CROCC2: variants seen among roughly 807,000 people sequenced by gnomAD.
CROCC2 encodes ciliary rootlet coiled-coil protein 2.
A neutral mutation model predicts 177.6 loss-of-function variants in CROCC2; 163 were observed. The ratio of observed to expected loss-of-function variants is 0.92; its 90% CI spans 0.81 to 1.05. CROCC2 has a LOEUF of 1.05. CROCC2 is among the 50% of genes least tolerant of loss of function. CROCC2 has a pLI of 0.00. For synonymous variants in CROCC2, 904 were observed against 787.3 expected (o/e 1.15, Z -2.48); for missense variants, 1,929 against 1,797.8 (o/e 1.07, Z -1.32).
chr2:240,959,339 C>T lies in CROCC2; in HGVS notation c.2982C>T (p.Leu994=). 3.9e-6 allele frequency: 6 copies of T among 1,550,588 alleles called. No individual in the cohort carries two copies. Among genetic ancestry groups the T allele is most frequent in the South Asian group, 1.2e-5 (1 of 84,048 alleles). The change falls in exon 20 of 32, where the codon CTC becomes CTT. Residue 994 remains leucine (L), a synonymous_variant. Coordinates refer to ENST00000690015, the MANE Select transcript of CROCC2 (RefSeq NM_001351305.2). The part of the protein sequence containing the change: ...ISATTEELKA[L]QAQFEDAITA... ...CCACGACTGAGGAGCTGAAGGCCCT[C>T]CAGGCCCAGTTTGAGGATGCCATCA...
rs1293064553 is a variant in CROCC2 at position 240,965,388 on chromosome 2, C to T, written c.3473C>T (p.Thr1158Ile). ...GCGGCCCCACGCTCCCAGGTGAGGA[C>T]ACTGAAGGCCGAGAACCAGAGGAGG... ...ELRELHRQVRTLKAENQRRSG... is the reference protein window; with the variant it reads ...ELRELHRQVRILKAENQRRSG... Residue 1158 changes from threonine to isoleucine, a missense_variant, in exon 23 of 32, where the codon ACA becomes ATA. This residue lies in a region of CROCC2 where 1,397 missense variants were observed against 1,239.9 expected (regional missense o/e 1.13). Transcript: ENST00000690015. The T allele has an allele frequency of 6.5e-7, 1 of 1,549,414 alleles. No homozygotes were observed. The highest frequency in any genetic ancestry group is 2.4e-5 in the East Asian group (1 of 40,920).
chr2:240,962,300 G>T (rs970198886), intron 20 of CROCC2, among the ~76,000 whole-genome samples: 2 of 152,062 alleles, frequency 1.3e-5, no homozygotes, highest in African/African-American at 4.8e-5. Flanking sequence ...CGGGTGGGGT[G>T]GGGGCGGGAG....
rs997584770 is a variant in CROCC2, at chr2:240,949,134, A to C, written c.2482+37A>C. ...GCGCTCCCTCAGCTCCTTCCCCGAA[A>C]GTCAGCCATGGAGGGGCCCCTGGAA... On this transcript the variant is annotated intron_variant, in intron 16 of 31. Coordinates refer to ENST00000690015, the MANE Select transcript of CROCC2 (RefSeq NM_001351305.2). The surrounding 1 kb of genome is among the most constrained non-coding windows in gnomAD (Gnocchi z 4.5). The C allele has an allele frequency of 6.7e-7, 1 of 1,492,574 alleles. No homozygotes were observed. The highest frequency in any genetic ancestry group is 1.4e-5 in the African/African-American group (1 of 71,192). 92.5% of individuals were successfully genotyped at this position (1,492,574 alleles called of 1,614,324 possible).
chr2:240,940,206 C>T (rs1029190271), intron 14 of CROCC2, among the ~76,000 whole-genome samples: 3 of 151,994 alleles, frequency 2.0e-5, no homozygotes, highest in African/African-American at 7.2e-5. Context: ...CTAGATCTCC[C>T]CTTAGTTTCT....
At position 240,946,227 on chromosome 2, in the gene CROCC2, C is replaced by A. The variant is rs939442693; in HGVS notation, c.2337C>A (p.Leu779=). Residue 779 remains leucine, a synonymous_variant, in exon 15 of 32, where the codon CTC becomes CTA. Transcript: ENST00000690015. ...AGGCCTTGGAGAGGCAGGGCCGGCT[C>A]GCAGCTGAAGAGGCAGCTGATCTCA... ...KQEALERQGR[L]AAEEAADLRV... is the part of the protein sequence containing the mutation. 84 of 1,538,832 alleles carry A rather than the reference C, an allele frequency of 5.5e-5. No individual in the cohort carries two copies. The highest frequency in any genetic ancestry group is 7.2e-5 in the Non-Finnish European group (82 of 1,137,708).
rs74000199 is a variant in CROCC2, at chr2:240,956,033, G to C, written c.2943+61G>C. 8.4e-3 allele frequency: 10,511 copies of C among 1,255,838 alleles called. 654 individuals carry two copies. In the African/African-American group the frequency reaches 0.14, roughly 16 times the overall value. The allele number at this position is 1,255,838 out of a possible 1,614,324, so 77.8% of individuals were successfully genotyped here. A position where few individuals can be genotyped will look rare whatever the true frequency, so the allele number is the denominator to read the frequency against. On this transcript the variant is annotated intron_variant, in intron 19 of 31. Transcript: ENST00000690015. ...AGCAGGTGCTGGCAGACCCCAGGGG[G>C]CCACCCCTCCTGCCTGGTCCCAGTG...
Position 240,958,521 on chromosome 2 carries a change from A to C in CROCC2, c.2944-780A>C. On this transcript the variant is annotated intron_variant, in intron 19 of 31. Transcript: ENST00000690015. This position sits in a 1 kb window ranked among gnomAD's most constrained non-coding sequence, Gnocchi z 6.7. Reference sequence around the variant, plus strand: ...CTGGCACAGGGGCAGCCATGTGGGCACCTGTGCCCCCAGGAACACAAAGCC... The same window carrying C: ...CTGGCACAGGGGCAGCCATGTGGGCCCCTGTGCCCCCAGGAACACAAAGCC... The C allele has an allele frequency of 6.2e-6, 6 of 974,534 alleles. No individual in the cohort carries two copies. Among genetic ancestry groups the C allele is most frequent in the Non-Finnish European group, 7.3e-6 (6 of 819,984 alleles). The allele number at this position is 974,534 out of a possible 1,614,324, so 60.4% of individuals were successfully genotyped here. A position where few individuals can be genotyped will look rare whatever the true frequency, so the allele number is the denominator to read the frequency against.
At position 240,950,719 on chromosome 2, in the gene CROCC2, C is replaced by T. The variant is rs1172733818; in HGVS notation, c.2829+209C>T. 3 of 533,984 alleles carry T rather than the reference C, an allele frequency of 5.6e-6. No homozygotes were observed. The African/African-American group carries it at 5.9e-5, about 10-fold the overall frequency. 33.1% of individuals were successfully genotyped at this position (533,984 alleles called of 1,614,324 possible). A position where few individuals can be genotyped will look rare whatever the true frequency, so the allele number is the denominator to read the frequency against. ...TCTGTCCATTCATTCACCCATCCAT[C>T]CACCCATCCACTTGCCCATCCATCC... On this transcript the variant is annotated intron_variant, in intron 18 of 31. Transcript: ENST00000690015.
At chr2:240,939,508 T>C (rs935934517) in intron 14 of CROCC2, among the ~76,000 whole-genome samples, 2 of 152,146 alleles carry the variant, frequency 1.3e-5, no homozygotes, top group Non-Finnish European at 2.9e-5. Flanking sequence ...TAAAATACAC[T>C]GGAAAGTAGT....
At chr2:240,931,705 C>G (rs1034939018) in intron 7 of CROCC2, among the ~76,000 whole-genome samples, 1 of 152,192 alleles carries the variant, frequency 6.6e-6, no homozygotes, top group African/African-American at 2.4e-5. Context: ...GCCTTACAAC[C>G]CAGGGTCCAG....
At chr2:240,968,575 G>A (rs1033317783) in intron 27 of CROCC2, among the ~76,000 whole-genome samples, 1 of 152,254 alleles carries the variant, frequency 6.6e-6, no homozygotes. Context: ...AGCGAGTGGG[G>A]GGCAGAGCCC....
rs1279306708 is a variant in CROCC2, at chr2:240,932,751, C to T, written c.1094C>T (p.Thr365Ile). ...CTGGAGCTGGCAGGTAGCAGCATCA[C>T]TGAATTGGGGGAGCCACGGCGCCCA... ...RCLELAGSSITELGEPRRPLR... is the reference protein window; with the variant it reads ...RCLELAGSSIIELGEPRRPLR... Residue 365 changes from threonine (T) to isoleucine (I), a missense_variant, in exon 9 of 32, where the codon ACT becomes ATT. This residue lies in a region of CROCC2 where 1,397 missense variants were observed against 1,239.9 expected (regional missense o/e 1.13). Coordinates refer to ENST00000690015, the MANE Select transcript of CROCC2 (RefSeq NM_001351305.2). 2.8e-6 allele frequency: 3 copies of T among 1,086,832 alleles called. No homozygotes were observed. Among genetic ancestry groups the T allele is most frequent in the Admixed American group, 4.0e-5 (2 of 50,192 alleles). The allele number at this position is 1,086,832 out of a possible 1,614,324, so 67.3% of individuals were successfully genotyped here. A position where few individuals can be genotyped will look rare whatever the true frequency, so the allele number is the denominator to read the frequency against.
rs1233169803 is a variant in CROCC2 at position 240,932,712 on chromosome 2, A to G, written c.1055A>G (p.Glu352Gly). ...RTDLQNLVAQ[E>G]DARCLELAGS... ...CTCTGCACCTTGAAGGTGGCCCAGG[A>G]GGACGCCCGGTGCCTGGAGCTGGCA... Residue 352 changes from glutamate (E) to glycine (G), a missense_variant, in exon 9 of 32, where the codon GAG becomes GGG. Physicochemically the swap from Glu to Gly is moderately conservative, Grantham distance 98 (BLOSUM62 -2). Around this residue, in one of 3 missense-constraint regions of CROCC2, gnomAD observed 1,397 missense variants for 1,239.9 expected, o/e 1.13. Transcript: ENST00000690015. 1 of 785,464 alleles carries G rather than the reference A, an allele frequency of 1.3e-6. No individual in the cohort carries two copies. The highest frequency in any genetic ancestry group is 1.7e-5 in the African/African-American group (1 of 58,556). The allele number at this position is 785,464 out of a possible 1,614,324, so 48.7% of individuals were successfully genotyped here.
At position 240,963,688 on chromosome 2, in the gene CROCC2, G is replaced by A; in HGVS notation, c.3220G>A (p.Asp1074Asn). Residue 1074 changes from aspartate (D) to asparagine (N), a missense_variant, in exon 21 of 32, where the codon GAC becomes AAC. Around this residue, in one of 3 missense-constraint regions of CROCC2, gnomAD observed 1,397 missense variants for 1,239.9 expected, o/e 1.13. Transcript: ENST00000690015. ...EAQEARRALS[D>N]EAREKDVLLL... is the part of the protein sequence containing the mutation. Reference sequence around the variant, plus strand: ...CCAGGAGGCCCGCCGGGCGCTGAGTGACGAGGCCCGCGAGAAGGACGTACT... The same window carrying A: ...CCAGGAGGCCCGCCGGGCGCTGAGTAACGAGGCCCGCGAGAAGGACGTACT... 1 of 1,550,236 alleles carries A rather than the reference G, an allele frequency of 6.5e-7. No homozygotes were observed. The highest frequency in any genetic ancestry group is 8.7e-7 in the Non-Finnish European group (1 of 1,146,806).
At position 240,950,317 on chromosome 2, in the gene CROCC2, C is replaced by A. The variant is rs1421213837; in HGVS notation, c.2653-17C>A. On this transcript the variant is annotated splice_polypyrimidine_tract_variant and intron_variant, in intron 17 of 31. Transcript: ENST00000690015. Reference sequence around the variant, plus strand: ...CACCTGCCGGACCTCACAGCCCATCCCTTTACCTTGGCCCAGGAGACCCTG... The same window carrying A: ...CACCTGCCGGACCTCACAGCCCATCACTTTACCTTGGCCCAGGAGACCCTG... 1.9e-6 allele frequency: 3 copies of A among 1,547,524 alleles called. No individual in the cohort carries two copies. Among genetic ancestry groups the A allele is most frequent in the Admixed American group, 3.9e-5 (2 of 50,800 alleles).
rs562109763 is a variant in CROCC2 at position 240,932,334 on chromosome 2, C to G, written c.964C>G (p.Leu322Val). Residue 322 changes from leucine to valine, a missense_variant, in exon 8 of 32, where the codon CTG (leucine) becomes GTG (valine). Transcript: ENST00000690015. ...TCCTCCCAGACTCTCGGAGCAAACC[C>G]TGCTGGTGGAGAAGCTTACAGAGCA... The part of the protein sequence containing the change: ...ALQARLSEQT[L>V]LVEKLTEQNE... 1 of 716,850 alleles carries G rather than the reference C, an allele frequency of 1.4e-6. No homozygotes were observed. The highest frequency in any genetic ancestry group is 2.6e-6 in the Non-Finnish European group (1 of 384,656). 44.4% of individuals were successfully genotyped at this position (716,850 alleles called of 1,614,324 possible). A position where few individuals can be genotyped will look rare whatever the true frequency, so the allele number is the denominator to read the frequency against.
chr2:240,956,928 G>A (rs534512005), intron 19 of CROCC2, among the ~76,000 whole-genome samples: 3 of 152,202 alleles, frequency 2.0e-5, no homozygotes, highest in Non-Finnish European at 4.4e-5. Context: ...GTGGGGGGTG[G>A]CCAGAGCCCA....
chr2:240,991,144 GC>G, intron 30 of CROCC2, 51 bp from the exon 31 acceptor site: 1 of 1,404,204 alleles, frequency 7.1e-7, no homozygotes, highest in Non-Finnish European at 9.6e-7. Context: ...ATGCCCTGGG[GC>G]CCTGGCCGTG....
At chr2:240,935,198 C>T in intron 13 of CROCC2, 136 bp downstream of exon 13, 1 of 1,216,432 alleles carries the variant, frequency 8.2e-7, no homozygotes. Context: ...GACAAGGGAG[C>T]CTGACTAGCC....
Sources: allele counts gnomAD v4.1 joint callset (sites outside exome capture counted in the v4.1 genomes callset), GRCh38; gene constraint gnomAD v4.1.1; regional missense constraint gnomAD v4.1.1; non-coding constraint Gnocchi (gnomAD v3.1); transcripts MANE v1.5; gene names NCBI Gene and HGNC (gene_info 2026-07-23, HGNC 2026-07-21).